Variants in MICU3 observed in about 807,000 individuals in gnomAD.
MICU3 encodes the protein mitochondrial calcium uptake 3.
In MICU3, 62 loss-of-function variants were observed where a neutral mutation model predicts 66.5. The observed-to-expected ratio is 0.93, with a 90% CI of 0.76 to 1.15. The LOEUF (loss-of-function observed/expected upper bound fraction) is 1.15. Among genes scored for constraint, MICU3 ranks in the 50% most tolerant of loss-of-function variants. The pLI is 0.00. For missense variants in MICU3, 779 were observed against 664.4 expected (o/e 1.17, Z -1.90); for synonymous variants, 308 against 240.7 (o/e 1.28, Z -2.59).
intron 1 of MICU3, among the ~76,000 whole-genome samples, chr8:17,044,582 G>A (rs1371451399): frequency 1.3e-5 from 2 of 152,180 alleles, no homozygotes; most frequent in Non-Finnish European, 2.9e-5. Context: ...CTGATTCACA[G>A]TACTACATCC....
intron 2 of MICU3, among the ~76,000 whole-genome samples, chr8:17,067,691 C>G (rs1469508759): frequency 6.6e-6 from 1 of 152,076 alleles, no homozygotes; most frequent in Non-Finnish European, 1.5e-5. Context: ...CCTCCTGCCT[C>G]GGCCTCCAAA....
intron 5 of MICU3, among the ~76,000 whole-genome samples, chr8:17,083,608 AT>A (rs1266009421): frequency 2.6e-5 from 4 of 152,168 alleles, no homozygotes; most frequent in Non-Finnish European, 1.5e-5. Context: ...CACTGTCTCC[AT>A]TATAATTTTG....
chr8:17,028,318 C>A (rs368455866), intron 1 of MICU3, among the ~76,000 whole-genome samples: 1 of 152,082 alleles, frequency 6.6e-6, no homozygotes, highest in Non-Finnish European at 1.5e-5. Context: ...GATAGGATAG[C>A]AAATGTAGGA....
chr8:17,032,920 T>G (rs191063549), intron 1 of MICU3, among the ~76,000 whole-genome samples: 1 of 152,386 alleles, frequency 6.6e-6, no homozygotes, highest in Admixed American at 6.5e-5. Context: ...TGTGATCATT[T>G]ATCTTTGACC....
intron 8 of MICU3, among the ~76,000 whole-genome samples, chr8:17,096,942 G>A (rs564740801): frequency 9.9e-5 from 14 of 142,068 alleles, no homozygotes; most frequent in African/African-American, 2.1e-4. Context: ...TTCTTAATAC[G>A]TTCTAAATAT....
At chr8:17,084,460 G>A (rs902008414) in intron 5 of MICU3, among the ~76,000 whole-genome samples, 1 of 151,744 alleles carries the variant, frequency 6.6e-6, no homozygotes, top group Admixed American at 6.6e-5. Context: ...ATGTATCTGT[G>A]GGGGGTCCCT....
chr8:17,127,239 T>G (rs1247324289), downstream of MICU3, among the ~76,000 whole-genome samples: 1 of 152,206 alleles, frequency 6.6e-6, no homozygotes, highest in Non-Finnish European at 1.5e-5. Flanking sequence ...TGCTCTTTGG[T>G]GCTAAGAGTT....
At chr8:17,134,942 A>G in the MICU3 span, among the ~76,000 whole-genome samples, 1 of 152,362 alleles carries the variant, frequency 6.6e-6, no homozygotes, top group African/African-American at 2.4e-5. Flanking sequence ...GACGTTAACC[A>G]TCACAACACC....
chr8:17,099,813 C>T (rs1801101146), intron 9 of MICU3, among the ~76,000 whole-genome samples: 1 of 151,708 alleles, frequency 6.6e-6, no homozygotes, highest in South Asian at 2.1e-4. Flanking sequence ...TTCAAATCAA[C>T]AGTCATATCA....
chr8:17,048,031 C>G lies in MICU3; in HGVS notation c.382-16053C>G, dbSNP rs565289332. Among the ~76,000 whole-genome samples the G allele has an allele frequency of 4.6e-5, 7 of 152,286 alleles. No homozygotes were observed. In the South Asian group the frequency reaches 1.4e-3, roughly 32 times the overall value. ...TGGGCCATGACGAGTTAAAGTGTTTCATGGGGGAAACCAAGATCCCTTCTT... is the reference window on the plus strand; with the variant it reads ...TGGGCCATGACGAGTTAAAGTGTTTGATGGGGGAAACCAAGATCCCTTCTT... On this transcript the variant is annotated intron_variant, in intron 1 of 14. Transcript: ENST00000318063.
chr8:17,125,735 A>G (rs554315212), downstream of MICU3, among the ~76,000 whole-genome samples: 4 of 152,022 alleles, frequency 2.6e-5, no homozygotes, highest in Non-Finnish European at 5.9e-5. Context: ...CCTTGTGCAT[A>G]TAACACCTCT....
intron 8 of MICU3, among the ~76,000 whole-genome samples, chr8:17,098,081 G>A (rs148578476): frequency 1.1e-4 from 16 of 151,838 alleles, no homozygotes; most frequent in Non-Finnish European, 1.9e-4. Context: ...TTAATAGGTT[G>A]CTACAAAGTT....
At chr8:17,085,871 A>T (rs1799417370) in intron 6 of MICU3, among the ~76,000 whole-genome samples, 2 of 152,114 alleles carry the variant, frequency 1.3e-5, no homozygotes, top group South Asian at 2.1e-4. Context: ...TCTGACAGTG[A>T]GTTCAGTTGC....
intron 2 of MICU3, among the ~76,000 whole-genome samples, chr8:17,064,869 T>C (rs1221103101): frequency 6.6e-6 from 1 of 152,138 alleles, no homozygotes; most frequent in Non-Finnish European, 1.5e-5. Flanking sequence ...TTTAGATTAT[T>C]ATAGGTACTC....
chr8:17,088,148 A>G (rs554093021), intron 7 of MICU3, among the ~76,000 whole-genome samples: 17 of 152,142 alleles, frequency 1.1e-4, no homozygotes, highest in African/African-American at 2.9e-4. Context: ...TCAGGATTAT[A>G]TAGCACATAC....
At chr8:17,115,095 G>A (rs985014665) in intron 12 of MICU3, among the ~76,000 whole-genome samples, 1 of 146,276 alleles carries the variant, frequency 6.8e-6, no homozygotes, top group African/African-American at 2.6e-5. Flanking sequence ...CTCCAGCCTG[G>A]GCGACAGAGC....
At chr8:17,060,895 C>T (rs1349690566) in intron 1 of MICU3, among the ~76,000 whole-genome samples, 5 of 151,780 alleles carry the variant, frequency 3.3e-5, no homozygotes, top group African/African-American at 1.2e-4. Context: ...GGGCCCGCAC[C>T]TAATACCATT....
intron 2 of MICU3, among the ~76,000 whole-genome samples, chr8:17,066,157 T>C (rs1818646845): frequency 6.6e-6 from 1 of 152,086 alleles, no homozygotes. Context: ...GTAGATTCTT[T>C]ATTAGTGAGT....
At chr8:17,034,668 G>T (rs1400074357) in intron 1 of MICU3, among the ~76,000 whole-genome samples, 1 of 152,216 alleles carries the variant, frequency 6.6e-6, no homozygotes, top group East Asian at 1.9e-4. Flanking sequence ...AGTGAAGGAA[G>T]TAGCTGCAGA....
Sources: gnomAD v4.1 joint callset for allele counts (sites outside exome capture counted in the v4.1 genomes callset) on GRCh38, gnomAD v4.1.1 for gene constraint, MANE v1.5 for transcripts, NCBI Gene and HGNC (gene_info 2026-07-23, HGNC 2026-07-21) for gene names.